C8orf34: variants seen among roughly 807,000 people sequenced by gnomAD.
C8orf34 encodes uncharacterized protein C8orf34.
Under a neutral mutation model 68.3 loss-of-function variants are expected in C8orf34, and 65 were observed. That is an observed-to-expected ratio of 0.95 (90% CI 0.78 to 1.17). The LOEUF is 1.17. C8orf34 is among the 50% of genes most tolerant of loss of function. C8orf34 has a pLI of 0.00. For synonymous variants in C8orf34, 244 were observed against 241.2 expected, an observed-to-expected ratio of 1.01 and a Z score of -0.11; for missense variants, 664 against 655.4, an observed-to-expected ratio of 1.01 and a Z score of -0.14.
At chr8:68,685,416 T>G in intron 8 of C8orf34, among the ~76,000 whole-genome samples, 1 of 152,140 alleles carries the variant, frequency 6.6e-6, no homozygotes, top group East Asian at 1.9e-4. Context: ...CAAAGTAATA[T>G]GTCTTCAAAA....
rs537925562 is a variant in C8orf34, at chr8:68,691,293, CA to C, written c.1242-17700del. Among the ~76,000 whole-genome samples the C allele has an allele frequency of 2.0e-5, 3 of 152,010 alleles. No homozygotes were observed. In the South Asian group the frequency reaches 6.2e-4, roughly 31 times the overall value. ...TGCTCACTTCATGTCTCTGTGTCAG[CA>C]TTTTTTAGTAATAAAGTATTTGAAT... On this transcript the variant is annotated intron_variant, in intron 8 of 13. Coordinates refer to ENST00000518698, the MANE Select transcript of C8orf34 (RefSeq NM_052958.4).
Position 68,631,364 on chromosome 8 carries a change from C to T in C8orf34, c.1106-9012C>T, listed in dbSNP as rs1056259849. ...CAAGTGATCCTCCCACCTTGACCTC[C>T]GTCCAGAAGTGTTGGGATTACAATC... On this transcript the variant is annotated intron_variant, in intron 7 of 13. Coordinates refer to ENST00000518698, the MANE Select transcript of C8orf34 (RefSeq NM_052958.4). 7.9e-5 allele frequency among the ~76,000 whole-genome samples: 12 copies of T among 152,248 alleles called. No individual in the cohort carries two copies. In the East Asian group the frequency reaches 1.4e-3, roughly 17 times the overall value.
chr8:68,622,266 G>T (rs1818408584), intron 7 of C8orf34, among the ~76,000 whole-genome samples: 1 of 152,202 alleles, frequency 6.6e-6, no homozygotes, highest in African/African-American at 2.4e-5. Flanking sequence ...TCACAGAAGT[G>T]AAGTCCAATC....
Position 68,408,129 on chromosome 8 carries a change from C to A in C8orf34, c.328-31370C>A, listed in dbSNP as rs549293522. ...GCTCTGCCTCCTGTCAGGTCAGCAG[C>A]AGCATTAGATTCTCCCAGGAGCAGG... On this transcript the variant is annotated intron_variant, in intron 1 of 13. Transcript: ENST00000518698. Among the ~76,000 whole-genome samples, 3 of 152,054 alleles carry A rather than the reference C, an allele frequency of 2.0e-5. No homozygotes were observed. The South Asian group carries it at 6.3e-4, about 32-fold the overall frequency.
chr8:68,794,482 A>ATATATATATAG (rs1824110275), intron 12 of C8orf34, among the ~76,000 whole-genome samples: 1 of 89,392 alleles, frequency 1.1e-5, no homozygotes, highest in Non-Finnish European at 1.9e-5. Flanking sequence ...TATAAATATA[A>ATATATATATAG]ATATATATAT....
intron 7 of C8orf34, among the ~76,000 whole-genome samples, chr8:68,544,560 A>G (rs1250412909): frequency 6.6e-6 from 1 of 152,154 alleles, no homozygotes; most frequent in Non-Finnish European, 1.5e-5. Context: ...AAAGTAAACA[A>G]TAGAAACAGA....
chr8:68,598,520 C>G (rs1050004410), intron 7 of C8orf34, among the ~76,000 whole-genome samples: 2 of 152,090 alleles, frequency 1.3e-5, no homozygotes, highest in African/African-American at 4.8e-5. Flanking sequence ...AAATCTGGAT[C>G]ATGGCTTTAG....
At chr8:68,796,264 A>G (rs1379271687) in intron 12 of C8orf34, among the ~76,000 whole-genome samples, 1 of 152,174 alleles carries the variant, frequency 6.6e-6, no homozygotes. Flanking sequence ...GAGTTCTGAA[A>G]AAAGTTAATT....
intron 7 of C8orf34, among the ~76,000 whole-genome samples, chr8:68,612,550 T>C (rs1818054334): frequency 6.6e-6 from 1 of 152,192 alleles, no homozygotes; most frequent in African/African-American, 2.4e-5. Flanking sequence ...TTGTTTATAG[T>C]TAAATATCAC....
chr8:68,457,637 TA>T (rs1811610105), intron 3 of C8orf34, among the ~76,000 whole-genome samples: 1 of 152,118 alleles, frequency 6.6e-6, no homozygotes, highest in South Asian at 2.1e-4. Context: ...GCTCAAAAAT[TA>T]GCACTCCTTA....
intron 1 of C8orf34, among the ~76,000 whole-genome samples, chr8:68,392,959 C>G (rs942527678): frequency 6.6e-6 from 1 of 152,072 alleles, no homozygotes; most frequent in Admixed American, 6.6e-5. Flanking sequence ...TTTGTTTAAT[C>G]CATTAGCCAA....
rs545146003 is a variant in C8orf34, at chr8:68,777,684, T to C, written c.1455+1235T>C. On this transcript the variant is annotated intron_variant, in intron 11 of 13. Transcript: ENST00000518698. ...ATGCATCTTAAAAGTGCCAAGATGC[T>C]CTGCCATAAAGTGTCTTTTCCAACG... Among the ~76,000 whole-genome samples, 20 of 152,340 alleles carry C rather than the reference T, an allele frequency of 1.3e-4. 1 individual carries two copies. Among genetic ancestry groups the C allele is most frequent in the Middle Eastern group, 6.8e-3 (2 of 294 alleles).
At position 68,486,405 on chromosome 8, in the gene C8orf34, G is replaced by T. The variant is rs182755405; in HGVS notation, c.737-1618G>T. The stretch of plus-strand genomic sequence containing the variant: ...AGTCCTTGAATAATTGTTAAGCTTT[G>T]GTCACCCCAAATCCCTGAAATGGTA... On this transcript the variant is annotated intron_variant, in intron 4 of 13. Coordinates refer to ENST00000518698, the MANE Select transcript of C8orf34 (RefSeq NM_052958.4). Among the ~76,000 whole-genome samples the T allele has an allele frequency of 3.3e-3, 497 of 152,010 alleles. 3 individuals carry two copies. The highest frequency in any genetic ancestry group is 0.011 in the African/African-American group (475 of 41,444).
chr8:68,669,778 A>G (rs1819950853), intron 8 of C8orf34, among the ~76,000 whole-genome samples: 1 of 152,208 alleles, frequency 6.6e-6, no homozygotes, highest in Admixed American at 6.5e-5. Flanking sequence ...AGTTCCAAGG[A>G]AGAGCTACAA....
chr8:68,545,157 G>T (rs929807269), intron 7 of C8orf34, among the ~76,000 whole-genome samples: 5 of 152,052 alleles, frequency 3.3e-5, no homozygotes, highest in Non-Finnish European at 5.9e-5. Context: ...GGACCCAGTG[G>T]GAGATAATTG....
intron 8 of C8orf34, among the ~76,000 whole-genome samples, chr8:68,650,834 C>T (rs1227863977): frequency 6.6e-6 from 1 of 152,120 alleles, no homozygotes; most frequent in African/African-American, 2.4e-5. Context: ...ATCATGTTGC[C>T]TGGTTCTTCA....
chr8:68,392,995 G>A (rs1808536885), intron 1 of C8orf34, among the ~76,000 whole-genome samples: 1 of 152,122 alleles, frequency 6.6e-6, no homozygotes, highest in Non-Finnish European at 1.5e-5. Context: ...GTAAAACAGT[G>A]CTGTACTTCT....
At chr8:68,539,427 T>C (rs1032245497) in intron 7 of C8orf34, among the ~76,000 whole-genome samples, 1 of 152,188 alleles carries the variant, frequency 6.6e-6, no homozygotes, top group Admixed American at 6.5e-5. Flanking sequence ...CCAACAGATA[T>C]TAAAGAAGCA....
chr8:68,344,942 AAATAAT>A (rs1563635179), intron 1 of C8orf34, among the ~76,000 whole-genome samples: 1 of 152,086 alleles, frequency 6.6e-6, no homozygotes, highest in Non-Finnish European at 1.5e-5. Context: ...TGTTGCTTCC[AAATAAT>A]TAGAAACATA....
Sources: gnomAD v4.1 joint callset for allele counts (sites outside exome capture counted in the v4.1 genomes callset) on GRCh38, gnomAD v4.1.1 for gene constraint, MANE v1.5 for transcripts, NCBI Gene and HGNC (gene_info 2026-07-23, HGNC 2026-07-21) for gene names.